The following EVC2 variants were observed in gnomAD, a reference collection of about 807,000 sequenced individuals.
The protein encoded by EVC2 is limbin.
A neutral mutation model predicts 149.3 loss-of-function variants in EVC2; 148 were observed. The observed-to-expected ratio is 0.99, with a 90% CI of 0.87 to 1.14. The LOEUF is 1.14. EVC2 is among the 50% of genes most tolerant of loss of function. EVC2 has a pLI of 0.00. For missense variants in EVC2, 1,854 were observed against 1,627.3 expected (o/e 1.14, Z -2.40); for synonymous variants, 776 against 649.9 (o/e 1.19, Z -2.95).
downstream of EVC2, among the ~76,000 whole-genome samples, chr4:5,542,065 C>A (rs998821412): frequency 4.6e-5 from 7 of 152,154 alleles, no homozygotes; most frequent in African/African-American, 1.7e-4. Flanking sequence ...AGCCAGCTAG[C>A]CCTTCCTGCC....
Position 5,613,860 on chromosome 4 carries a change from A to G in EVC2, c.2829+1562T>C, listed in dbSNP as rs1031920671. ...TGCCACTTCCTGGATCCCTTAAGAC[A>G]TCAACAACCTGGACACACCTGATGG... On this transcript the variant is annotated intron_variant, in intron 16 of 21. Transcript: ENST00000344408. This position sits in a 1 kb window ranked among gnomAD's most constrained non-coding sequence, Gnocchi z 4.6. Among the ~76,000 whole-genome samples the G allele has an allele frequency of 6.6e-6, 1 of 152,178 alleles. No homozygotes were observed. Among genetic ancestry groups the G allele is most frequent in the African/African-American group, 2.4e-5 (1 of 41,452 alleles).
chr4:5,541,453 A>C (rs558912864), downstream of EVC2, among the ~76,000 whole-genome samples: 1 of 152,350 alleles, frequency 6.6e-6, no homozygotes, highest in African/African-American at 2.4e-5. Flanking sequence ...ACGATGTTTG[A>C]GCAGAGACTT....
chr4:5,645,868 C>G (rs1201646794), intron 9 of EVC2, among the ~76,000 whole-genome samples: 1 of 152,216 alleles, frequency 6.6e-6, no homozygotes, highest in Admixed American at 6.5e-5. Flanking sequence ...AACTAGTTTA[C>G]AGTCCCATCA....
At position 5,618,034 on chromosome 4, in the gene EVC2, T is replaced by C. The variant is rs1715388246; in HGVS notation, c.2706+444A>G. Reference sequence around the variant, plus strand: ...TACCAGTCATCATCCTTTAAGACCCTGTGCAAGAGCCCCTCTTTCCCTGAC... The same window carrying C: ...TACCAGTCATCATCCTTTAAGACCCCGTGCAAGAGCCCCTCTTTCCCTGAC... On this transcript the variant is annotated intron_variant, in intron 15 of 21. Coordinates refer to ENST00000344408, the MANE Select transcript of EVC2 (RefSeq NM_147127.5). This position sits in a 1 kb window ranked among gnomAD's most constrained non-coding sequence, Gnocchi z 4.4. Among the ~76,000 whole-genome samples the C allele has an allele frequency of 6.6e-6, 1 of 152,140 alleles. No homozygotes were observed. The highest frequency in any genetic ancestry group is 2.4e-5 in the African/African-American group (1 of 41,420).
At chr4:5,549,128 T>C (rs1437511520) in intron 21 of EVC2, among the ~76,000 whole-genome samples, 1 of 152,174 alleles carries the variant, frequency 6.6e-6, no homozygotes, top group Admixed American at 6.5e-5. Context: ...ATTTTGAAAC[T>C]GAATAGCAAC....
At chr4:5,706,437 G>GATAGATAC (rs1553854672) in intron 1 of EVC2, among the ~76,000 whole-genome samples, 455 of 40,872 alleles carry the variant, frequency 0.011, 17 homozygotes, top group East Asian at 0.064. Flanking sequence ...TACATAGATA[G>GATAGATAC]ATAGATAGAT....
Position 5,694,379 on chromosome 4 carries a change from T to C in EVC2, c.406A>G (p.Lys136Glu). 1 of 1,614,166 alleles carries C rather than the reference T, an allele frequency of 6.2e-7. No homozygotes were observed. The stretch of plus-strand genomic sequence containing the variant: ...GACTCTCTTTTAAATAAGTTCTTCT[T>C]AGGCCAGGAGGGTATAAAAGCAAAT... Reference protein sequence around the residue: ...SLFAFIPSWPKKNLFKRESPI... With the variant: ...SLFAFIPSWPEKNLFKRESPI... The change falls in exon 3 of 22, where the codon AAG (lysine) becomes GAG (glutamate). Residue 136 changes from lysine to glutamate, a missense_variant. Transcript: ENST00000344408.
chr4:5,695,548 T>C (rs1477466359), intron 2 of EVC2, among the ~76,000 whole-genome samples: 1 of 152,178 alleles, frequency 6.6e-6, no homozygotes, highest in African/African-American at 2.4e-5. Flanking sequence ...ACAGGTCAGC[T>C]GAGTTCTCTG....
chr4:5,651,513 T>C (rs1299621497), intron 9 of EVC2, among the ~76,000 whole-genome samples: 2 of 152,048 alleles, frequency 1.3e-5, no homozygotes, highest in Non-Finnish European at 2.9e-5. Flanking sequence ...GATGGATTAG[T>C]GGATGAATGA....
In EVC2 at chr4:5,613,681, A is replaced by T. The variant is rs538542082; in HGVS notation, c.2829+1741T>A. 2.0e-5 allele frequency among the ~76,000 whole-genome samples: 3 copies of T among 152,160 alleles called. No homozygotes were observed. Among genetic ancestry groups the T allele is most frequent in the Non-Finnish European group, 4.4e-5 (3 of 68,022 alleles). ...TGTGATTGCTTGATGGAGTTTGTTT[A>T]ATACTCAGGTAGTTTAGGAAGCCCA... On this transcript the variant is annotated intron_variant, in intron 16 of 21. Coordinates refer to ENST00000344408, the MANE Select transcript of EVC2 (RefSeq NM_147127.5). The surrounding 1 kb of genome is among the most constrained non-coding windows in gnomAD (Gnocchi z 4.6).
At chr4:5,541,140 G>A (rs1407618220), downstream of EVC2, among the ~76,000 whole-genome samples, 2 of 152,198 alleles carry the variant, frequency 1.3e-5, no homozygotes, top group African/African-American at 4.8e-5. Flanking sequence ...GACTTTTTAA[G>A]GGAGGAATCA....
intron 16 of EVC2, among the ~76,000 whole-genome samples, chr4:5,597,733 G>C (rs1162092443): frequency 1.9e-4 from 26 of 140,150 alleles, no homozygotes; most frequent in Non-Finnish European, 1.9e-4. Flanking sequence ...TTAGGCAGGA[G>C]AAGGAAATAA....
chr4:5,537,245 T>C, the EVC2 span, among the ~76,000 whole-genome samples: 430 of 152,220 alleles, frequency 2.8e-3, 3 homozygotes, highest in African/African-American at 0.01. Flanking sequence ...GGCAGAGTTT[T>C]GGAGAGAGGA....
At chr4:5,563,492 G>A (rs531054076) in intron 21 of EVC2, among the ~76,000 whole-genome samples, 211 of 152,238 alleles carry the variant, frequency 1.4e-3, no homozygotes, top group African/African-American at 4.6e-3. Context: ...GACGACAGGC[G>A]CGTGCAACCA....
chr4:5,595,579 G>A (rs1226362256), intron 16 of EVC2, among the ~76,000 whole-genome samples: 1 of 152,104 alleles, frequency 6.6e-6, no homozygotes, highest in African/African-American at 2.4e-5. Flanking sequence ...CGCTAAACAT[G>A]GAAAGGAACA....
intron 16 of EVC2, among the ~76,000 whole-genome samples, chr4:5,585,650 A>G (rs9993673): frequency 0.099 from 15,133 of 152,100 alleles, 1,445 homozygotes; most frequent in African/African-American, 0.24. Context: ...ACAGTACACA[A>G]TGTGATAAAC....
At chr4:5,703,417 C>T (rs530601765) in intron 1 of EVC2, among the ~76,000 whole-genome samples, 2 of 152,260 alleles carry the variant, frequency 1.3e-5, no homozygotes, top group Non-Finnish European at 2.9e-5. Context: ...ACGTTGAGTG[C>T]TACATCCCCA....
intron 21 of EVC2, among the ~76,000 whole-genome samples, chr4:5,550,596 G>A (rs932890112): frequency 6.6e-6 from 1 of 152,192 alleles, no homozygotes; most frequent in African/African-American, 2.4e-5. Context: ...TGCAGCCTGA[G>A]AACGCAATAG....
intron 20 of EVC2, among the ~76,000 whole-genome samples, chr4:5,566,600 T>C (rs533762179): frequency 1.5e-4 from 23 of 152,304 alleles, no homozygotes; most frequent in South Asian, 6.2e-4. Context: ...ACAAGAATAG[T>C]GCATGCCCTG....
Sources: gnomAD v4.1 joint callset for allele counts (sites outside exome capture counted in the v4.1 genomes callset) on GRCh38, gnomAD v4.1.1 for gene constraint, Gnocchi (gnomAD v3.1) non-coding constraint, MANE v1.5 for transcripts, NCBI Gene and HGNC (gene_info 2026-07-23, HGNC 2026-07-21) for gene names.